BRF1: variants seen among roughly 807,000 people sequenced by gnomAD.
The protein encoded by BRF1 is transcription factor IIIB 90 kDa subunit.
A neutral mutation model predicts 81.7 loss-of-function variants in BRF1; 59 were observed. That is an observed-to-expected ratio of 0.72 (90% CI 0.59 to 0.90). The LOEUF (loss-of-function observed/expected upper bound fraction) is 0.90, where lower values mean the gene tolerates loss of function less well. BRF1 is among the 40% of genes least tolerant of loss of function. The probability of loss-of-function intolerance (pLI) is 0.00; values close to 1 mark genes in which losing one functional copy is unlikely to be tolerated. For synonymous variants in BRF1, 491 were observed against 395.6 expected (o/e 1.24, Z -2.86); for missense variants, 1,050 against 936.3 (o/e 1.12, Z -1.58).
rs587668840 is a variant in BRF1, at chr14:105,284,240, A to G, written c.265+2056T>C. ...TGAAATCACACAGAGGGTGCTCTCT[A>G]CTGCAGAAGAATCACACCGGCAGTC... On this transcript the variant is annotated intron_variant, in intron 2 of 17. Transcript: ENST00000547530. This position sits in a 1 kb window ranked among gnomAD's most constrained non-coding sequence, Gnocchi z 4.0. 6.6e-6 allele frequency among the ~76,000 whole-genome samples: 1 copy of G among 152,150 alleles called. No homozygotes were observed. The highest frequency in any genetic ancestry group is 1.5e-5 in the Non-Finnish European group (1 of 68,018).
chr14:105,247,924 GC>G, intron 5 of BRF1: 1 of 985,484 alleles, frequency 1.0e-6, no homozygotes, highest in Non-Finnish European at 1.2e-6. Flanking sequence ...GAGGCTAGAG[GC>G]CCCACAAGGA....
chr14:105,217,688 A>G lies in BRF1; in HGVS notation c.1628T>C (p.Leu543Pro). ...CCCGCCGGCGCTGCTGAGGCCCCGG[A>G]GCACGCTATAATTGATCTTGCTGGA... ...KISSKINYSV[L>P]RGLSSAGGGS... is the part of the protein sequence containing the mutation. Residue 543 changes from leucine to proline, a missense_variant, in exon 15 of 18, where the codon CTC becomes CCC. Coordinates refer to ENST00000547530, the MANE Select transcript of BRF1 (RefSeq NM_001519.4). The G allele has an allele frequency of 2.5e-6, 4 of 1,613,324 alleles. No individual in the cohort carries two copies. Among genetic ancestry groups the G allele is most frequent in the South Asian group, 1.1e-5 (1 of 91,082 alleles).
intron 10 of BRF1, among the ~76,000 whole-genome samples, chr14:105,225,064 C>A (rs1393376737): frequency 6.6e-6 from 1 of 152,194 alleles, no homozygotes; most frequent in South Asian, 2.1e-4. Flanking sequence ...GTGCCAGGAG[C>A]CTTGGGGGCT....
chr14:105,294,938 C>T (rs1005304598), intron 1 of BRF1, among the ~76,000 whole-genome samples: 1 of 152,200 alleles, frequency 6.6e-6, no homozygotes, highest in Non-Finnish European at 1.5e-5. Context: ...GCCGAAACCA[C>T]AGTGCAGAAT....
intron 2 of BRF1, among the ~76,000 whole-genome samples, chr14:105,281,909 T>C (rs1329262448): frequency 2.0e-5 from 3 of 152,184 alleles, no homozygotes; most frequent in East Asian, 1.9e-4. Flanking sequence ...CACTTTACTA[T>C]GCGTGCTATA....
At chr14:105,225,100 C>T (rs764194647) in intron 10 of BRF1, among the ~76,000 whole-genome samples, 67 of 152,172 alleles carry the variant, frequency 4.4e-4, no homozygotes, top group Non-Finnish European at 8.7e-4. Flanking sequence ...CCGGGACATG[C>T]ACATTCCCTG....
rs202146622 is a variant in BRF1, at chr14:105,256,583, T to C, written c.440-34A>G. ...GGAGTCAAGGATCCTGTCGAGTGGC[T>C]GCAAGCTCAGGTTACTCGCCCACCT... On this transcript the variant is annotated intron_variant, in intron 3 of 17. Transcript: ENST00000547530. 1.2e-4 allele frequency: 188 copies of C among 1,608,900 alleles called. 1 individual carries two copies. The East Asian group carries it at 4.1e-3, about 35-fold the overall frequency.
chr14:105,268,524 T>C (rs1191133119), intron 3 of BRF1, among the ~76,000 whole-genome samples: 1 of 152,190 alleles, frequency 6.6e-6, no homozygotes, highest in Admixed American at 6.5e-5. Context: ...TTCGGGGTGA[T>C]AGTGGACACA....
intron 1 of BRF1, among the ~76,000 whole-genome samples, chr14:105,295,841 G>C (rs1337619961): frequency 1.3e-5 from 2 of 151,370 alleles, no homozygotes; most frequent in Non-Finnish European, 2.9e-5. Context: ...AACTTTCAGG[G>C]GCCAAGGCAG....
chr14:105,256,624 C>T (rs1206411003), intron 3 of BRF1, 75 bp from the exon 4 acceptor site: 14 of 1,577,684 alleles, frequency 8.9e-6, no homozygotes, highest in South Asian at 2.3e-5. Flanking sequence ...TGGGCAGGAC[C>T]GCAGGACTGC....
chr14:105,247,933 G>A (rs1350456415), intron 5 of BRF1: 4 of 985,372 alleles, frequency 4.1e-6, no homozygotes, highest in Non-Finnish European at 4.8e-6. Context: ...GGCCCCACAA[G>A]GAGCGAGCCT....
At chr14:105,313,079 C>G (rs1255312374) in intron 1 of BRF1, among the ~76,000 whole-genome samples, 5 of 152,332 alleles carry the variant, frequency 3.3e-5, no homozygotes, top group African/African-American at 1.2e-4. Context: ...CAGCTGGTGC[C>G]AAGCCCTGCT....
chr14:105,248,659 G>A (rs992514821), intron 5 of BRF1: 73 of 980,890 alleles, frequency 7.4e-5, no homozygotes, highest in Non-Finnish European at 8.6e-5. Flanking sequence ...GCAGGGGCGG[G>A]GGTGGCAGGG....
chr14:105,254,837 C>G (rs1238214531), intron 4 of BRF1, among the ~76,000 whole-genome samples: 2 of 152,210 alleles, frequency 1.3e-5, no homozygotes, highest in East Asian at 3.8e-4. Flanking sequence ...GCGGGGATTA[C>G]AGGTGTGAGC....
chr14:105,303,800 A>G (rs587757353), upstream of BRF1, among the ~76,000 whole-genome samples: 23 of 152,286 alleles, frequency 1.5e-4, no homozygotes, highest in African/African-American at 5.1e-4. Context: ...TGTATTATTG[A>G]TCTCTATGCA....
At chr14:105,282,390 T>G (rs1389974243) in intron 2 of BRF1, among the ~76,000 whole-genome samples, 1 of 152,174 alleles carries the variant, frequency 6.6e-6, no homozygotes, top group East Asian at 1.9e-4. Flanking sequence ...TTTGCAGTTT[T>G]CTAAGAAAGG....
chr14:105,297,830 A>T (rs2057804141), intron 1 of BRF1, among the ~76,000 whole-genome samples: 1 of 151,852 alleles, frequency 6.6e-6, no homozygotes, highest in East Asian at 2.0e-4. Flanking sequence ...CCCCGTCTCT[A>T]CTAAAAATAC....
At chr14:105,298,621 G>C (rs764079831) in intron 1 of BRF1, among the ~76,000 whole-genome samples, 4 of 152,204 alleles carry the variant, frequency 2.6e-5, no homozygotes, top group Non-Finnish European at 5.9e-5. Context: ...TTGGGAGGCT[G>C]AGGCAGGCGG....
chr14:105,248,298 C>T (rs1484005997), intron 5 of BRF1: 1 of 985,468 alleles, frequency 1.0e-6, no homozygotes, highest in Non-Finnish European at 1.2e-6. Context: ...CAAGCAGGTC[C>T]ACCTGCGTTC....
Sources: allele counts gnomAD v4.1 joint callset (sites outside exome capture counted in the v4.1 genomes callset), GRCh38; gene constraint gnomAD v4.1.1; non-coding constraint Gnocchi (gnomAD v3.1); transcripts MANE v1.5; gene names NCBI Gene and HGNC (gene_info 2026-07-23, HGNC 2026-07-21).